RNPEPL1: variants seen among roughly 807,000 people sequenced by gnomAD.
RNPEPL1 encodes the protein aminopeptidase RNPEPL1.
In RNPEPL1, 46 loss-of-function variants were observed where a neutral mutation model predicts 69.0. The ratio of observed to expected loss-of-function variants is 0.67; its 90% CI spans 0.53 to 0.85. RNPEPL1 has a LOEUF of 0.85. Among genes scored for constraint, RNPEPL1 ranks in the 40% least tolerant of loss-of-function variants. The pLI, the probability that RNPEPL1 is intolerant of heterozygous loss-of-function variation, is 0.00. For synonymous variants in RNPEPL1, 525 were observed against 454.1 expected (o/e 1.16, Z -1.98); for missense variants, 869 against 992.5 (o/e 0.88, Z 1.67).
At chr2:240,569,218 G>T (rs2093014154) in intron 1 of RNPEPL1, 104 bp downstream of exon 1, 2 of 1,240,622 alleles carry the variant, frequency 1.6e-6, no homozygotes, top group Non-Finnish European at 2.1e-6. Flanking sequence ...GCGCCCTACA[G>T]GTGCCCCCCT....
At chr2:240,570,284 T>C (rs1328171606) in intron 1 of RNPEPL1, among the ~76,000 whole-genome samples, 3 of 152,208 alleles carry the variant, frequency 2.0e-5, no homozygotes, top group Non-Finnish European at 4.4e-5. Context: ...AGGGTGGCCA[T>C]TGTCTCTTGG....
chr2:240,576,891 C>G lies in RNPEPL1; in HGVS notation c.1785C>G (p.Asp595Glu). The change falls in exon 10 of 11, where the codon GAC (aspartate) becomes GAG (glutamate). Residue 595 changes from aspartate to glutamate, a missense_variant. Transcript: ENST00000270357. ...SLSKCYSSLL[D>E]SMNAEIRIRW... Reference sequence around the variant, plus strand: ...CCAAGTGCTACTCCTCCCTGCTGGACTCGATGAACGCTGAGATCCGCATCC... The same window carrying G: ...CCAAGTGCTACTCCTCCCTGCTGGAGTCGATGAACGCTGAGATCCGCATCC... The G allele has an allele frequency of 6.2e-7, 1 of 1,613,424 alleles. No homozygotes were observed. The highest frequency in any genetic ancestry group is 8.5e-7 in the Non-Finnish European group (1 of 1,179,988).
At chr2:240,574,028 C>A in intron 4 of RNPEPL1, 85 bp from the exon 5 acceptor site, 2 of 1,435,238 alleles carry the variant, frequency 1.4e-6, no homozygotes, top group South Asian at 1.2e-5. Flanking sequence ...GGGCTGATCC[C>A]TGCTGGGTGG....
At chr2:240,573,639 G>A (rs1025745863) in intron 3 of RNPEPL1, 136 bp from the exon 4 acceptor site, 294 of 727,548 alleles carry the variant, frequency 4.0e-4, no homozygotes, top group South Asian at 5.6e-4. Flanking sequence ...GAGGCAGGGC[G>A]GGCTGTAGGC....
rs751186507 is a variant in RNPEPL1, at chr2:240,574,322, A to C, written c.1148A>C (p.Gln383Pro). Reference protein sequence around the residue: ...WLSEGLATYAQRRITTETYGA... With the variant: ...WLSEGLATYAPRRITTETYGA... Reference sequence around the variant, plus strand: ...AGCGAGGGCCTGGCCACCTATGCCCAGCGCCGTATCACCACCGAGACCTAC... The same window carrying C: ...AGCGAGGGCCTGGCCACCTATGCCCCGCGCCGTATCACCACCGAGACCTAC... The change falls in exon 5 of 11, where the codon CAG becomes CCG. Residue 383 changes from glutamine (Q) to proline (P), a missense_variant. Physicochemically the swap from Gln to Pro is moderately conservative, Grantham distance 76. Transcript: ENST00000270357. The C allele has an allele frequency of 2.5e-6, 4 of 1,601,506 alleles. No homozygotes were observed. In the African/African-American group the frequency reaches 5.4e-5, roughly 21 times the overall value.
Position 240,574,298 on chromosome 2 carries a change from G to A in RNPEPL1, c.1124G>A (p.Ser375Asn). The A allele has an allele frequency of 2.5e-6, 4 of 1,607,456 alleles. No individual in the cohort carries two copies. The highest frequency in any genetic ancestry group is 3.4e-6 in the Non-Finnish European group (4 of 1,179,874). ...GCCACGTGGGAAGAGATGTGGCTGA[G>A]CGAGGGCCTGGCCACCTATGCCCAG... ...TNATWEEMWL[S>N]EGLATYAQRR... The change falls in exon 5 of 11, where the codon AGC (serine) becomes AAC (asparagine). Residue 375 changes from serine to asparagine, a missense_variant. By Grantham distance (46) the Ser-to-Asn change is conservative (BLOSUM62 1). Transcript: ENST00000270357.
chr2:240,573,388 A>G, intron 3 of RNPEPL1, 127 bp downstream of exon 3: 1 of 1,000,080 alleles, frequency 1.0e-6, no homozygotes, highest in Non-Finnish European at 1.4e-6. Flanking sequence ...GCTCTGGGCC[A>G]GCCCTGCCCC....
chr2:240,575,768 GTATGC>G, intron 8 of RNPEPL1, 158 bp downstream of exon 8: 1 of 647,744 alleles, frequency 1.5e-6, no homozygotes, highest in South Asian at 1.8e-5. Flanking sequence ...CCCCAGGCTG[GTATGC>G]TATGAGAACA....
chr2:240,574,384 C>G, intron 5 of RNPEPL1, 36 bp downstream of exon 5: 1 of 1,579,616 alleles, frequency 6.3e-7, no homozygotes, highest in Admixed American at 1.7e-5. Flanking sequence ...CCACGGGGGG[C>G]CCTGGGCACT....
intron 8 of RNPEPL1, 104 bp downstream of exon 8, chr2:240,575,714 G>A (rs2093035668): frequency 1.2e-6 from 1 of 846,046 alleles, no homozygotes; most frequent in East Asian, 2.6e-5. Context: ...AGCCCTGTCA[G>A]TTCACTGTCT....
chr2:240,576,480 C>A, intron 8 of RNPEPL1, 55 bp from the exon 9 acceptor site: 1 of 1,512,740 alleles, frequency 6.6e-7, no homozygotes, highest in Middle Eastern at 1.8e-4. Context: ...GCAGATTGCT[C>A]AGGCAGCCCC....
rs1249368426 is a variant in RNPEPL1 at position 240,568,711 on chromosome 2, G to A, written c.125G>A (p.Arg42His). 2.8e-5 allele frequency: 30 copies of A among 1,069,742 alleles called. No homozygotes were observed. Among genetic ancestry groups the A allele is most frequent in the Non-Finnish European group, 3.3e-5 (29 of 878,880 alleles). 66.3% of individuals were successfully genotyped at this position (1,069,742 alleles called of 1,614,324 possible). Residue 42 changes from arginine to histidine, a missense_variant, in exon 1 of 11, where the codon CGC becomes CAC. Physicochemically the swap from Arg to His is conservative, Grantham distance 29. Transcript: ENST00000270357. The surrounding 1 kb of genome is among the most constrained non-coding windows in gnomAD (Gnocchi z 6.2). ...TCCAGCGCGCAGCTCTTCCGCCTCC[G>A]CCACCTGCAGCTGGGCCTGGAGCTG... ...SASSAQLFRL[R>H]HLQLGLELRP...
Position 240,573,338 on chromosome 2 carries a change from C to A in RNPEPL1, c.821+77C>A, listed in dbSNP as rs2093027923. 51 of 1,448,246 alleles carry A rather than the reference C, an allele frequency of 3.5e-5. 1 individual carries two copies. The South Asian group carries it at 6.4e-4, about 18-fold the overall frequency. 89.7% of individuals were successfully genotyped at this position (1,448,246 alleles called of 1,614,324 possible). Reference sequence around the variant, plus strand: ...CCCACCGGGGGTCTGTGGCCTGTGTCCACGGCTGCCCTGCTGAGGACCCCC... The same window carrying A: ...CCCACCGGGGGTCTGTGGCCTGTGTACACGGCTGCCCTGCTGAGGACCCCC... On this transcript the variant is annotated intron_variant, in intron 3 of 10. Transcript: ENST00000270357.
intron 3 of RNPEPL1, 152 bp downstream of exon 3, chr2:240,573,413 C>CGCCAGG: frequency 1.3e-6 from 1 of 750,098 alleles, no homozygotes. Context: ...TTGGTGCCAC[C>CGCCAGG]GCCAGGGCCC....
intron 1 of RNPEPL1, among the ~76,000 whole-genome samples, chr2:240,570,238 C>G (rs776282641): frequency 6.6e-6 from 1 of 152,216 alleles, no homozygotes; most frequent in Non-Finnish European, 1.5e-5. Flanking sequence ...GGACCAGGGC[C>G]CTCAGCAGGC....
In RNPEPL1 at chr2:240,580,378, C is replaced by T. The variant is rs954255093; in HGVS notation, c.*2486C>T. 1.8e-4 allele frequency: 27 copies of T among 152,378 alleles called. No individual in the cohort carries two copies. The highest frequency in any genetic ancestry group is 6.0e-4 in the African/African-American group (25 of 41,554). 9.4% of individuals were successfully genotyped at this position (152,378 alleles called of 1,614,324 possible). On this transcript the variant is annotated 3_prime_UTR_variant, in exon 11 of 11. Transcript: ENST00000270357. ...CCACATTCCAAATCCTGGCAGGTCG[C>T]ACGTTTTATTAGCACAGCACCCCTC...
intron 3 of RNPEPL1, 128 bp from the exon 4 acceptor site, chr2:240,573,647 G>C (rs778133764): frequency 7.8e-5 from 61 of 784,052 alleles, no homozygotes; most frequent in Non-Finnish European, 1.1e-4. Context: ...GCGGGCTGTA[G>C]GCTGGGGTGG....
chr2:240,568,884 A>G lies in RNPEPL1; in HGVS notation c.298A>G (p.Thr100Ala). ...TCGCGCCCCCGCCGCCGCCGCCGAGACGCCCTGCGCCTTCGCCTTCTCCGC... is the reference window on the plus strand; with the variant it reads ...TCGCGCCCCCGCCGCCGCCGCCGAGGCGCCCTGCGCCTTCGCCTTCTCCGC... ...FRRAPAAAAETPCAFAFSAPG... is the reference protein window; with the variant it reads ...FRRAPAAAAEAPCAFAFSAPG... Residue 100 changes from threonine (T) to alanine (A), a missense_variant, in exon 1 of 11, where the codon ACG becomes GCG. By Grantham distance (58) the Thr-to-Ala change is moderately conservative. Around this residue, in one of 2 missense-constraint regions of RNPEPL1, gnomAD observed 259 missense variants for 201.5 expected, o/e 1.29. Transcript: ENST00000270357. The surrounding 1 kb of genome is among the most constrained non-coding windows in gnomAD (Gnocchi z 6.2). 4.8e-6 allele frequency: 6 copies of G among 1,243,876 alleles called. No individual in the cohort carries two copies. Among genetic ancestry groups the G allele is most frequent in the East Asian group, 3.7e-5 (1 of 26,842 alleles). The allele number at this position is 1,243,876 out of a possible 1,614,324, so 77.1% of individuals were successfully genotyped here.
rs1441807151 is a variant in RNPEPL1, at chr2:240,577,758, G to C, written c.2044G>C (p.Glu682Gln). The C allele has an allele frequency of 1.2e-6, 2 of 1,612,268 alleles. No individual in the cohort carries two copies. Among genetic ancestry groups the C allele is most frequent in the South Asian group, 2.2e-5 (2 of 90,972 alleles). The change falls in exon 11 of 11, where the codon GAG (glutamate) becomes CAG (glutamine). Residue 682 changes from glutamate (E) to glutamine (Q), a missense_variant. Transcript: ENST00000270357. ...GTCCCAGGGCCTGGGCTCCAGCACA[G>C]AGCCCGCCTCAGAGCCCAGCACGGA... is the stretch of plus-strand genomic sequence containing the variant. ...ILSQGLGSST[E>Q]PASEPSTELG...
Sources: gnomAD v4.1 joint callset for allele counts (sites outside exome capture counted in the v4.1 genomes callset) on GRCh38, gnomAD v4.1.1 for gene constraint, gnomAD v4.1.1 regional missense constraint, Gnocchi (gnomAD v3.1) non-coding constraint, MANE v1.5 for transcripts, NCBI Gene and HGNC (gene_info 2026-07-23, HGNC 2026-07-21) for gene names.